Variants in TMEM260 observed in about 807,000 individuals in gnomAD.
TMEM260 encodes transmembrane protein 260.
A neutral mutation model predicts 88.9 loss-of-function variants in TMEM260; 82 were observed. That is an observed-to-expected ratio of 0.92 (90% CI 0.77 to 1.11). TMEM260 has a LOEUF of 1.11. Ranked by LOEUF, TMEM260 falls within the 50% of genes least tolerant of loss-of-function variation. The pLI is 0.00. For missense variants in TMEM260, 902 were observed against 853.4 expected, an observed-to-expected ratio of 1.06 and a Z score of -0.71; for synonymous variants, 314 against 309.3, an observed-to-expected ratio of 1.02 and a Z score of -0.16.
chr14:56,606,447 A>G (rs1886907036), intron 5 of TMEM260, among the ~76,000 whole-genome samples: 1 of 152,218 alleles, frequency 6.6e-6, no homozygotes, highest in African/African-American at 2.4e-5. Flanking sequence ...ATATAAAACA[A>G]AATTATTATC....
At chr14:56,579,797 C>CG, upstream of TMEM260, 1 of 1,025,910 alleles carries the variant, frequency 9.7e-7, no homozygotes, top group Non-Finnish European at 1.2e-6. Context: ...CGCGGAGGCT[C>CG]GACCCGGAAG....
chr14:56,600,733 C>A (rs2139543100), intron 3 of TMEM260, among the ~76,000 whole-genome samples: 1 of 152,236 alleles, frequency 6.6e-6, no homozygotes, highest in East Asian at 1.9e-4. Flanking sequence ...TGTTGGGAAA[C>A]AAACATTGAA....
At chr14:56,600,258 G>T (rs1402670530) in intron 3 of TMEM260, among the ~76,000 whole-genome samples, 1 of 152,132 alleles carries the variant, frequency 6.6e-6, no homozygotes, top group Non-Finnish European at 1.5e-5. Flanking sequence ...GCTCTTAGAG[G>T]CGTACGTCCT....
At position 56,607,584 on chromosome 14, in the gene TMEM260, C is replaced by T. The variant is rs144324347; in HGVS notation, c.637-1522C>T. Among the ~76,000 whole-genome samples the T allele has an allele frequency of 6.0e-3, 910 of 152,208 alleles. 9 individuals carry two copies. Among genetic ancestry groups the T allele is most frequent in the African/African-American group, 0.021 (874 of 41,500 alleles). On this transcript the variant is annotated intron_variant, in intron 5 of 15. Transcript: ENST00000261556. ...GTTTCAACCCTGGCTGCTTACTTAT[C>T]TGAGAAGCTTTTAAAAAGTCCGTGT...
intron 15 of TMEM260, among the ~76,000 whole-genome samples, chr14:56,641,778 G>C (rs553086429): frequency 3.3e-5 from 5 of 152,126 alleles, no homozygotes; most frequent in Admixed American, 1.3e-4. Context: ...CCCATCTCAC[G>C]TGCAGAGACA....
intron 3 of TMEM260, among the ~76,000 whole-genome samples, chr14:56,592,700 C>T (rs1466380342): frequency 2.0e-5 from 3 of 152,056 alleles, no homozygotes; most frequent in African/African-American, 7.2e-5. Context: ...ATACTTCTTC[C>T]CTGTAGTCAG....
At chr14:56,657,454 G>A in the TMEM260 span, among the ~76,000 whole-genome samples, 33 of 140,610 alleles carry the variant, frequency 2.3e-4, no homozygotes, top group African/African-American at 9.0e-4. Context: ...ATTCACTTAC[G>A]TTTACTACAT....
chr14:56,643,902 C>T (rs2139654676), intron 15 of TMEM260, among the ~76,000 whole-genome samples: 1 of 152,250 alleles, frequency 6.6e-6, no homozygotes, highest in Non-Finnish European at 1.5e-5. Flanking sequence ...AACTCCCATT[C>T]ACAATTGCTT....
intron 1 of TMEM260, among the ~76,000 whole-genome samples, chr14:56,584,560 T>G (rs758378547): frequency 6.6e-6 from 1 of 152,126 alleles, no homozygotes; most frequent in Non-Finnish European, 1.5e-5. Flanking sequence ...AATGCCAGTT[T>G]TAGGGTAGTA....
chr14:56,656,745 A>T, the TMEM260 span, among the ~76,000 whole-genome samples: 1 of 152,214 alleles, frequency 6.6e-6, no homozygotes, highest in African/African-American at 2.4e-5. Flanking sequence ...AATAAATTAC[A>T]ATGATAATTA....
chr14:56,587,350 T>C (rs1885569484), intron 3 of TMEM260, among the ~76,000 whole-genome samples: 1 of 151,972 alleles, frequency 6.6e-6, no homozygotes, highest in Non-Finnish European at 1.5e-5. Flanking sequence ...TCTAAAACTT[T>C]TCCATGTTTT....
intron 12 of TMEM260, among the ~76,000 whole-genome samples, chr14:56,627,613 C>T (rs913859972): frequency 2.0e-5 from 3 of 152,148 alleles, no homozygotes; most frequent in South Asian, 4.2e-4. Context: ...AAATTACTAA[C>T]TCAAAGGACA....
At chr14:56,583,674 G>A (rs1046003792) in intron 1 of TMEM260, among the ~76,000 whole-genome samples, 3 of 152,128 alleles carry the variant, frequency 2.0e-5, no homozygotes, top group African/African-American at 4.8e-5. Flanking sequence ...GGGAGGCTGG[G>A]GAAGCAGGTG....
chr14:56,646,985 A>G (rs1015877124), intron 15 of TMEM260, among the ~76,000 whole-genome samples: 12 of 152,134 alleles, frequency 7.9e-5, no homozygotes, highest in African/African-American at 2.7e-4. Flanking sequence ...ATTTTGTCCT[A>G]ACACTGTGTC....
chr14:56,614,971 T>C (rs757111108), intron 7 of TMEM260, among the ~76,000 whole-genome samples: 24 of 152,246 alleles, frequency 1.6e-4, no homozygotes, highest in Non-Finnish European at 3.1e-4. Context: ...AAGGAAATTA[T>C]TGAATCTAAC....
chr14:56,639,464 C>G (rs1223177462), intron 15 of TMEM260, among the ~76,000 whole-genome samples: 2 of 152,046 alleles, frequency 1.3e-5, no homozygotes, highest in East Asian at 3.9e-4. Flanking sequence ...ATTAAAGTAA[C>G]AAACATCAAT....
intron 11 of TMEM260, among the ~76,000 whole-genome samples, chr14:56,623,313 C>T (rs138215100): frequency 9.3e-4 from 142 of 152,240 alleles, no homozygotes; most frequent in African/African-American, 3.2e-3. Flanking sequence ...ATTCTCTTGA[C>T]TTTTCCCTCC....
At chr14:56,650,421 C>T (rs1408309522), downstream of TMEM260, 1 of 178,234 alleles carries the variant, frequency 5.6e-6, no homozygotes, top group Non-Finnish European at 1.2e-5. Flanking sequence ...TCCCTGTGCC[C>T]CCGCTGTTGC....
intron 10 of TMEM260, among the ~76,000 whole-genome samples, chr14:56,619,071 A>G (rs59913408): frequency 0.049 from 7,507 of 152,308 alleles, 475 homozygotes; most frequent in African/African-American, 0.14. Context: ...TCCATGACCT[A>G]AAATACCACT....
Sources: allele counts gnomAD v4.1 joint callset (sites outside exome capture counted in the v4.1 genomes callset), GRCh38; gene constraint gnomAD v4.1.1; transcripts MANE v1.5; gene names NCBI Gene and HGNC (gene_info 2026-07-23, HGNC 2026-07-21).